The following HOXA3 variants were observed in gnomAD, a reference collection of about 807,000 sequenced individuals.
HOXA3 encodes the protein homeobox A3.
HOXA3 carries 8 observed loss-of-function variants against 30.3 expected under a neutral mutation model. The ratio of observed to expected loss-of-function variants is 0.26; its 90% confidence interval spans 0.15 to 0.48. The LOEUF is 0.48. HOXA3 is among the 20% of genes least tolerant of loss of function. The pLI is 0.99. For missense variants in HOXA3, 653 were observed against 614.4 expected (o/e 1.06, Z -0.66); for synonymous variants, 323 against 273.1 (o/e 1.18, Z -1.80).
intron 2 of HOXA3, chr7:27,130,783 C>T: frequency 1.3e-6 from 2 of 1,554,764 alleles, no homozygotes; most frequent in Non-Finnish European, 8.7e-7. Context: ...GTCGTTTTTT[C>T]TGGGCTTGCC....
intron 4 of HOXA3, among the ~76,000 whole-genome samples, chr7:27,117,728 C>G (rs965661692): frequency 2.6e-5 from 4 of 152,214 alleles, no homozygotes; most frequent in Non-Finnish European, 5.9e-5. Context: ...ACACCGCCAT[C>G]CTGGGAGAGA....
intron 3 of HOXA3, among the ~76,000 whole-genome samples, chr7:27,126,050 TC>T (rs1382763943): frequency 6.4e-4 from 98 of 152,298 alleles, no homozygotes; most frequent in African/African-American, 2.2e-3. Context: ...CATGGCTCCA[TC>T]CTGGGTATTA....
intron 4 of HOXA3, among the ~76,000 whole-genome samples, chr7:27,121,538 C>A (rs992217855): frequency 2.0e-5 from 3 of 152,144 alleles, no homozygotes; most frequent in Non-Finnish European, 4.4e-5. Flanking sequence ...GCTCTGTTTA[C>A]CTTCTATTGG....
intron 1 of HOXA3, chr7:27,143,217 C>T (rs1484136676): frequency 1.9e-6 from 3 of 1,610,256 alleles, no homozygotes; most frequent in South Asian, 2.2e-5. Flanking sequence ...CTGCCGGCGT[C>T]GGCCGAGGCG....
In HOXA3 at chr7:27,107,831, CTAAA is replaced by C; in HGVS notation, c.*80_*83del. The C allele has an allele frequency of 1.4e-6, 1 of 725,134 alleles. No homozygotes were observed. The highest frequency in any genetic ancestry group is 2.0e-6 in the Non-Finnish European group (1 of 511,364). The allele number at this position is 725,134 out of a possible 1,614,324, so 44.9% of individuals were successfully genotyped here. A position where few individuals can be genotyped will look rare whatever the true frequency, so the allele number is the denominator to read the frequency against. Reference sequence around the variant, plus strand: ...GAAGGAAGGAAAGGGCAGGAAGAACCTAAAAAAAAAAAAAAAAAAAAGCAACCAA... The same window carrying C: ...GAAGGAAGGAAAGGGCAGGAAGAACCAAAAAAAAAAAAAAAAAGCAACCAA... On this transcript the variant is annotated 3_prime_UTR_variant, in exon 6 of 6. Transcript: ENST00000612286.
At chr7:27,130,154 C>T in intron 2 of HOXA3, 1 of 1,602,946 alleles carries the variant, frequency 6.2e-7, no homozygotes, top group East Asian at 2.2e-5. Context: ...CAGGGGTACA[C>T]CACGGGCTCC....
At chr7:27,147,152 C>T in intron 1 of HOXA3, 1 of 770,364 alleles carries the variant, frequency 1.3e-6, no homozygotes, top group Non-Finnish European at 2.0e-6. Context: ...CCATTGGGAA[C>T]TGATTTTTTC....
chr7:27,136,506 G>T (rs191452710), intron 2 of HOXA3, among the ~76,000 whole-genome samples: 194 of 152,296 alleles, frequency 1.3e-3, no homozygotes, highest in Admixed American at 2.4e-3. Context: ...TAAAACTAAA[G>T]ACGCAGCCCT....
intron 1 of HOXA3, among the ~76,000 whole-genome samples, chr7:27,148,671 A>C (rs1782870438): frequency 6.6e-6 from 1 of 152,262 alleles, no homozygotes; most frequent in African/African-American, 2.4e-5. Flanking sequence ...TGGTTTCAAC[A>C]AGAAAGGACC....
intron 1 of HOXA3, chr7:27,142,136 C>T (rs778267370): frequency 1.3e-6 from 2 of 1,583,322 alleles, no homozygotes; most frequent in South Asian, 2.3e-5. Flanking sequence ...CTTCCAAAGT[C>T]CGCCAGGGGG....
intron 4 of HOXA3, chr7:27,121,245 G>GTA (rs1784999142): frequency 6.6e-6 from 1 of 151,858 alleles, no homozygotes; most frequent in African/African-American, 2.4e-5. Context: ...GTGTGTGTGT[G>GTA]TGTGTGTGTG....
intron 4 of HOXA3, among the ~76,000 whole-genome samples, chr7:27,114,817 ATATATATATAATATATAT>A (rs565689920): frequency 0.046 from 1,037 of 22,462 alleles, 60 homozygotes; most frequent in African/African-American, 0.089. Flanking sequence ...TAAAACATAC[ATATATATATAATATATAT>A]TATATATATA....
intron 2 of HOXA3, among the ~76,000 whole-genome samples, chr7:27,135,797 T>C (rs746845833): frequency 5.9e-5 from 9 of 152,198 alleles, no homozygotes; most frequent in Non-Finnish European, 1.3e-4. Flanking sequence ...TTTTAGCATT[T>C]TTATTTTGTG....
At position 27,107,691 on chromosome 7, in the gene HOXA3, CTA is replaced by C. The variant is rs377638703; in HGVS notation, c.*222_*223del. 3.9e-3 allele frequency: 1,696 copies of C among 436,896 alleles called. 26 individuals are homozygous for C. Among genetic ancestry groups the C allele is most frequent in the African/African-American group, 0.031 (1,553 of 49,828 alleles). 27.1% of individuals were successfully genotyped at this position (436,896 alleles called of 1,614,324 possible). A position where few individuals can be genotyped will look rare whatever the true frequency, so the allele number is the denominator to read the frequency against. On this transcript the variant is annotated 3_prime_UTR_variant, in exon 6 of 6. Coordinates refer to ENST00000612286, the MANE Select transcript of HOXA3 (RefSeq NM_153631.3). ...GAGGAGCAGGAAGAGATAAATATCG[CTA>C]TGATACAGCCATTCCAGCAACCAAG...
intron 1 of HOXA3, chr7:27,145,758 A>G (rs2128061921): frequency 6.2e-7 from 1 of 1,614,142 alleles, no homozygotes; most frequent in East Asian, 2.2e-5. Context: ...CTGGAACCAG[A>G]TCTTGATCTG....
At chr7:27,150,052 A>G (rs1008572242) in intron 1 of HOXA3, 3 of 152,214 alleles carry the variant, frequency 2.0e-5, no homozygotes, top group African/African-American at 7.2e-5. Flanking sequence ...ACCAGAAAAC[A>G]TTATATTTCT....
Position 27,152,456 on chromosome 7 carries a change from A to G in HOXA3, c.-662T>C. On this transcript the variant is annotated 5_prime_UTR_variant, in exon 1 of 6. Coordinates refer to ENST00000612286, the MANE Select transcript of HOXA3 (RefSeq NM_153631.3). ...CGGGAACGGAGCGCGCCCAATCTCC[A>G]GCGGGAGCCGCCAGGCCTGGCCTGG... 6 of 1,156,498 alleles carry G rather than the reference A, an allele frequency of 5.2e-6. No individual in the cohort carries two copies. The highest frequency in any genetic ancestry group is 5.4e-6 in the Non-Finnish European group (5 of 924,170). 71.6% of individuals were successfully genotyped at this position (1,156,498 alleles called of 1,614,324 possible). A position where few individuals can be genotyped will look rare whatever the true frequency, so the allele number is the denominator to read the frequency against.
chr7:27,130,347 G>C, intron 2 of HOXA3: 1 of 1,122,600 alleles, frequency 8.9e-7, no homozygotes, highest in Non-Finnish European at 1.1e-6. Flanking sequence ...TCGCATGCAG[G>C]CCGTGCGCTG....
intron 2 of HOXA3, among the ~76,000 whole-genome samples, chr7:27,139,048 C>T (rs1785805602): frequency 6.6e-6 from 1 of 152,062 alleles, no homozygotes; most frequent in Non-Finnish European, 1.5e-5. Context: ...CAGGGGGCCG[C>T]CTAAGTTGCC....
Sources: gnomAD v4.1 joint callset for allele counts (sites outside exome capture counted in the v4.1 genomes callset) on GRCh38, gnomAD v4.1.1 for gene constraint, MANE v1.5 for transcripts, NCBI Gene and HGNC (gene_info 2026-07-23, HGNC 2026-07-21) for gene names.